CLCN5: variants seen among roughly 807,000 people sequenced by gnomAD.
The protein encoded by CLCN5 is H(+)/Cl(-) exchange transporter 5.
A neutral mutation model predicts 54.0 loss-of-function variants in CLCN5; 17 were observed. That is an observed-to-expected ratio of 0.31 (90% CI 0.22 to 0.47). CLCN5 has a LOEUF of 0.47. CLCN5 is among the 20% of genes least tolerant of loss of function. The pLI is 1.00. For synonymous variants in CLCN5, 222 were observed against 233.0 expected (o/e 0.95, Z 0.43); for missense variants, 448 against 646.7 (o/e 0.69, Z 3.33).
At chrX:50,037,262 G>A (rs1932040593) in intron 3 of CLCN5, among the ~76,000 whole-genome samples, 1 of 112,099 alleles carries the variant, frequency 8.9e-6, no homozygotes, top group Admixed American at 9.5e-5. Context: ...GTTAAATCTG[G>A]GAAATATCTG....
intron 3 of CLCN5, among the ~76,000 whole-genome samples, chrX:50,031,455 G>T (rs1557185856): frequency 9.0e-6 from 1 of 111,327 alleles, no homozygotes; most frequent in Non-Finnish European, 1.9e-5. Context: ...TATAGTCTGT[G>T]AGTTATTGAG....
intron 3 of CLCN5, among the ~76,000 whole-genome samples, chrX:50,007,440 T>TCTCTCACA (rs1374630944): frequency 5.8e-5 from 4 of 69,529 alleles, no homozygotes; most frequent in South Asian, 6.4e-4. Context: ...TCTCTCTCTG[T>TCTCTCACA]CACACACACA....
intron 3 of CLCN5, among the ~76,000 whole-genome samples, chrX:49,978,221 C>T (rs1557177206): frequency 1.8e-5 from 2 of 111,815 alleles, no homozygotes; most frequent in African/African-American, 6.5e-5. Context: ...CCTGTGTGTG[C>T]AGGGTTTAAT....
intron 3 of CLCN5, among the ~76,000 whole-genome samples, chrX:49,992,613 A>C (rs187915512): frequency 8.9e-6 from 1 of 111,836 alleles, no homozygotes; most frequent in African/African-American, 3.2e-5. Context: ...TTGCAGCTTA[A>C]CTAACACTTC....
intron 3 of CLCN5, among the ~76,000 whole-genome samples, chrX:49,935,947 G>T (rs1420210131): frequency 9.0e-6 from 1 of 111,155 alleles, no homozygotes; most frequent in Non-Finnish European, 1.9e-5. Flanking sequence ...AATGAATGGG[G>T]AGTGTCTCAT....
At position 49,950,140 on chromosome X, in the gene CLCN5, C is replaced by T. The variant is rs1309328745; in HGVS notation, c.16+24826C>T. Among the ~76,000 whole-genome samples, 3 of 111,722 alleles carry T rather than the reference C, an allele frequency of 2.7e-5. No homozygotes were observed. The Admixed American group carries it at 2.9e-4, about 11-fold the overall frequency. Reference sequence around the variant, plus strand: ...CCGTTAGTATAACACAGCTGGATGGCATTTCTCTAAGCTACCATTTTGAAG... The same window carrying T: ...CCGTTAGTATAACACAGCTGGATGGTATTTCTCTAAGCTACCATTTTGAAG... On this transcript the variant is annotated intron_variant, in intron 3 of 14. Transcript: ENST00000376091.
In CLCN5 at chrX:50,039,008, G is replaced by A. The variant is rs1557186828; in HGVS notation, c.17-3308G>A. ...TGAGATCAATAGTAGGCAGGGTGCTGTGGCTTACGCTTGTAATCCCAACAC... is the reference window on the plus strand; with the variant it reads ...TGAGATCAATAGTAGGCAGGGTGCTATGGCTTACGCTTGTAATCCCAACAC... On this transcript the variant is annotated intron_variant, in intron 3 of 14. Coordinates refer to ENST00000376091, the MANE Select transcript of CLCN5 (RefSeq NM_001127898.4). Among the ~76,000 whole-genome samples, 3 of 112,162 alleles carry A rather than the reference G, an allele frequency of 2.7e-5. No individual in the cohort carries two copies. In the East Asian group the frequency reaches 8.4e-4, roughly 31 times the overall value.
chrX:49,988,444 G>A (rs1347228608), intron 3 of CLCN5, among the ~76,000 whole-genome samples: 1 of 111,065 alleles, frequency 9.0e-6, no homozygotes, highest in Non-Finnish European at 1.9e-5. Context: ...AGTGCTTATT[G>A]GCTCCAGTAT....
intron 4 of CLCN5, among the ~76,000 whole-genome samples, chrX:50,048,352 A>G (rs1932464852): frequency 8.9e-6 from 1 of 112,750 alleles, no homozygotes; most frequent in South Asian, 3.7e-4. Flanking sequence ...GTATCAGTCC[A>G]TGGCCCCGTG....
At chrX:49,929,301 T>C (rs1225552244) in intron 3 of CLCN5, among the ~76,000 whole-genome samples, 2 of 112,468 alleles carry the variant, frequency 1.8e-5, no homozygotes, top group Non-Finnish European at 3.7e-5. Context: ...CTGGCCACTT[T>C]AAACAGTGTA....
intron 3 of CLCN5, among the ~76,000 whole-genome samples, chrX:49,936,992 CTTAGGTGGA>C (rs1184712781): frequency 9.0e-6 from 1 of 111,303 alleles, no homozygotes; most frequent in Non-Finnish European, 1.9e-5. Flanking sequence ...ATTTAGGAGG[CTTAGGTGGA>C]AAGATCACTT....
At chrX:50,034,179 A>G (rs145355312) in intron 3 of CLCN5, among the ~76,000 whole-genome samples, 1 of 112,231 alleles carries the variant, frequency 8.9e-6, no homozygotes, top group Non-Finnish European at 1.9e-5. Context: ...AATGGAGTAT[A>G]AGCTAGATTA....
At chrX:49,987,032 T>G (rs782507526) in intron 3 of CLCN5, among the ~76,000 whole-genome samples, 2 of 112,322 alleles carry the variant, frequency 1.8e-5, no homozygotes. Context: ...TAAGGAAAAA[T>G]GCATGGCATG....
At chrX:49,929,852 G>A (rs1435238906) in intron 3 of CLCN5, among the ~76,000 whole-genome samples, 1 of 106,179 alleles carries the variant, frequency 9.4e-6, no homozygotes, top group Non-Finnish European at 1.9e-5. Flanking sequence ...ATAATCTTGG[G>A]GATAGGGAAG....
chrX:49,944,029 T>C (rs1926543461), intron 3 of CLCN5, among the ~76,000 whole-genome samples: 1 of 112,047 alleles, frequency 8.9e-6, no homozygotes, highest in Non-Finnish European at 1.9e-5. Context: ...ATTCTTCCTA[T>C]CCATGAGCAT....
intron 3 of CLCN5, among the ~76,000 whole-genome samples, chrX:49,966,353 T>G (rs1927845967): frequency 9.4e-6 from 1 of 106,223 alleles, no homozygotes; most frequent in Admixed American, 9.8e-5. Flanking sequence ...GTGATAAAAT[T>G]CTTCATGGTA....
At chrX:50,009,611 G>C (rs1930386717) in intron 3 of CLCN5, 1 of 344,139 alleles carries the variant, frequency 2.9e-6, no homozygotes. Flanking sequence ...CTGAGGAGAG[G>C]CATCTGTCTT....
intron 3 of CLCN5, among the ~76,000 whole-genome samples, chrX:50,039,795 C>T (rs985895525): frequency 5.4e-5 from 6 of 110,345 alleles, no homozygotes; most frequent in South Asian, 4.0e-4. Context: ...CGGTTTCAAG[C>T]GATTCTCCTG....
chrX:50,030,365 C>A (rs1557185690), intron 3 of CLCN5, among the ~76,000 whole-genome samples: 2 of 111,210 alleles, frequency 1.8e-5, no homozygotes, highest in African/African-American at 6.5e-5. Context: ...TTTTCTAGTT[C>A]TATGGTTATA....
Sources: gnomAD v4.1 joint callset for allele counts (sites outside exome capture counted in the v4.1 genomes callset) on GRCh38, gnomAD v4.1.1 for gene constraint, MANE v1.5 for transcripts, NCBI Gene and HGNC (gene_info 2026-07-23, HGNC 2026-07-21) for gene names.